The following TDRP variants were observed in gnomAD, a reference collection of about 807,000 sequenced individuals.
The protein encoded by TDRP is testis development-related protein.
Under a neutral mutation model 10.5 loss-of-function variants are expected in TDRP, and 12 were observed. The ratio of observed to expected loss-of-function variants is 1.15; its 90% CI spans 0.73 to 1.86. TDRP has a LOEUF of 1.86. Among genes scored for constraint, TDRP ranks in the 40% most tolerant of loss-of-function variants. The probability of loss-of-function intolerance (pLI) is 0.00; values close to 1 mark genes in which losing one functional copy is unlikely to be tolerated. For synonymous variants in TDRP, 139 were observed against 95.4 expected (o/e 1.46, Z -2.67); for missense variants, 353 against 229.2 (o/e 1.54, Z -3.49).
chr8:524,938 A>G (rs556683733), intron 1 of TDRP, among the ~76,000 whole-genome samples: 1 of 152,332 alleles, frequency 6.6e-6, no homozygotes, highest in East Asian at 1.9e-4. Flanking sequence ...TCCTAGAGAA[A>G]GACATCTATA....
In TDRP at chr8:490,035, A is replaced by T. The variant is rs1313836750; in HGVS notation, c.*2364T>A. 2 of 152,228 alleles carry T rather than the reference A, an allele frequency of 1.3e-5. No individual in the cohort carries two copies. The highest frequency in any genetic ancestry group is 2.4e-5 in the African/African-American group (1 of 41,452). 9.4% of individuals were successfully genotyped at this position (152,228 alleles called of 1,614,324 possible). A position where few individuals can be genotyped will look rare whatever the true frequency, so the allele number is the denominator to read the frequency against. Reference sequence around the variant, plus strand: ...GCACATCACTTTCCTATTAAAAAATAAAAAAAGTACAGTAGAAGGAGCACA... The same window carrying T: ...GCACATCACTTTCCTATTAAAAAATTAAAAAAGTACAGTAGAAGGAGCACA... On this transcript the variant is annotated 3_prime_UTR_variant, in exon 3 of 3. Coordinates refer to ENST00000324079, the MANE Select transcript of TDRP (RefSeq NM_001384899.1).
At position 492,175 on chromosome 8, in the gene TDRP, G is replaced by A. The variant is rs1800995413; in HGVS notation, c.*224C>T. 4.0e-6 allele frequency: 5 copies of A among 1,259,406 alleles called. No homozygotes were observed. Among genetic ancestry groups the A allele is most frequent in the Non-Finnish European group, 5.0e-6 (5 of 1,005,108 alleles). 78.0% of individuals were successfully genotyped at this position (1,259,406 alleles called of 1,614,324 possible). Reference sequence around the variant, plus strand: ...TTCTGCAAAACATGGACTGATAGGTGAATATTTCTGCAATAAGGCAATCAA... The same window carrying A: ...TTCTGCAAAACATGGACTGATAGGTAAATATTTCTGCAATAAGGCAATCAA... On this transcript the variant is annotated 3_prime_UTR_variant, in exon 3 of 3. Transcript: ENST00000324079.
At chr8:532,244 C>G (rs1272598547) in intron 1 of TDRP, among the ~76,000 whole-genome samples, 4 of 152,172 alleles carry the variant, frequency 2.6e-5, no homozygotes, top group Non-Finnish European at 5.9e-5. Flanking sequence ...CATGTGGTGG[C>G]CAGCACTCAG....
intron 1 of TDRP, among the ~76,000 whole-genome samples, chr8:533,331 C>G (rs1030916412): frequency 6.6e-6 from 1 of 152,178 alleles, no homozygotes; most frequent in African/African-American, 2.4e-5. Flanking sequence ...CTCCCACAGC[C>G]AGGCCACCCC....
intron 1 of TDRP, among the ~76,000 whole-genome samples, chr8:502,998 C>G (rs1394451771): frequency 6.6e-6 from 1 of 151,776 alleles, no homozygotes; most frequent in Non-Finnish European, 1.5e-5. Context: ...GAATACAGAG[C>G]CGCACATCAG....
At chr8:544,547 T>G (rs983939898) in intron 1 of TDRP, 103 bp downstream of exon 1, 1 of 789,354 alleles carries the variant, frequency 1.3e-6, no homozygotes, top group African/African-American at 1.8e-5. Flanking sequence ...CCGCCCAAAC[T>G]GTGCCCCCAA....
chr8:524,289 G>A (rs116678773), intron 1 of TDRP, among the ~76,000 whole-genome samples: 2 of 152,096 alleles, frequency 1.3e-5, no homozygotes, highest in South Asian at 2.1e-4. Flanking sequence ...CAACACCCAA[G>A]TCCCTTTGAA....
chr8:499,419 C>A (rs1801225592), intron 1 of TDRP, among the ~76,000 whole-genome samples: 1 of 152,182 alleles, frequency 6.6e-6, no homozygotes, highest in Admixed American at 6.5e-5. Context: ...CCACTAACCA[C>A]ACCACTGTCC....
In TDRP at chr8:544,765, CG is replaced by C; in HGVS notation, c.-9del. The C allele has an allele frequency of 8.1e-7, 1 of 1,233,366 alleles. No individual in the cohort carries two copies. 76.4% of individuals were successfully genotyped at this position (1,233,366 alleles called of 1,614,324 possible). On this transcript the variant is annotated 5_prime_UTR_variant, in exon 1 of 3. Transcript: ENST00000324079. ...CCGGCCCAGCTTCCACATGGTCAGGCGGGCTCCGGCGTCCCTCCGTCCGTGC... is the reference window on the plus strand; with the variant it reads ...CCGGCCCAGCTTCCACATGGTCAGGCGGCTCCGGCGTCCCTCCGTCCGTGC...
At chr8:509,261 A>G (rs1801547157) in intron 1 of TDRP, among the ~76,000 whole-genome samples, 1 of 152,150 alleles carries the variant, frequency 6.6e-6, no homozygotes, top group Admixed American at 6.5e-5. Flanking sequence ...GTTACACTAG[A>G]CAGTGCCCCA....
intron 1 of TDRP, among the ~76,000 whole-genome samples, chr8:526,386 T>C (rs1211101648): frequency 2.0e-5 from 3 of 152,206 alleles, no homozygotes; most frequent in Non-Finnish European, 4.4e-5. Flanking sequence ...GGAGTTATGT[T>C]CCTTCTATAC....
At position 504,576 on chromosome 8, in the gene TDRP, G is replaced by A. The variant is rs1484612454; in HGVS notation, c.109-9979C>T. On this transcript the variant is annotated intron_variant, in intron 1 of 2. Coordinates refer to ENST00000324079, the MANE Select transcript of TDRP (RefSeq NM_001384899.1). Reference sequence around the variant, plus strand: ...GCTCTGCCACAAACCGTGATTCGCAGACAGTGCAAACCGTAAAACCACTCA... The same window carrying A: ...GCTCTGCCACAAACCGTGATTCGCAAACAGTGCAAACCGTAAAACCACTCA... 3.3e-5 allele frequency among the ~76,000 whole-genome samples: 5 copies of A among 152,340 alleles called. No homozygotes were observed. The East Asian group carries it at 9.6e-4, about 29-fold the overall frequency.
chr8:512,058 T>A (rs775226962), intron 1 of TDRP, among the ~76,000 whole-genome samples: 40 of 151,604 alleles, frequency 2.6e-4, no homozygotes, highest in Non-Finnish European at 8.8e-5. Flanking sequence ...TCACAAAGAT[T>A]AAAGCACAAA....
chr8:496,452 G>GC (rs1563115959), intron 1 of TDRP, among the ~76,000 whole-genome samples: 1 of 152,210 alleles, frequency 6.6e-6, no homozygotes, highest in Non-Finnish European at 1.5e-5. Context: ...TCTGAGCAAT[G>GC]CCCCATGAGA....
chr8:512,387 C>T (rs961577184), intron 1 of TDRP, among the ~76,000 whole-genome samples: 27 of 151,928 alleles, frequency 1.8e-4, no homozygotes, highest in African/African-American at 5.1e-4. Context: ...GAGCCAAGAT[C>T]GTGCTGCTGC....
rs896541391 is a variant in TDRP at position 540,774 on chromosome 8, T to C, written c.108+3876A>G. ...TTTTGAATGCTTCACATTTCAAATT[T>C]ATTGGAACCTAATATTATCTACTTT... On this transcript the variant is annotated intron_variant, in intron 1 of 2. Coordinates refer to ENST00000324079, the MANE Select transcript of TDRP (RefSeq NM_001384899.1). Among the ~76,000 whole-genome samples, 4 of 150,100 alleles carry C rather than the reference T, an allele frequency of 2.7e-5. No homozygotes were observed. The South Asian group carries it at 6.3e-4, about 24-fold the overall frequency.
At chr8:528,764 GGAATA>G (rs943642136) in intron 1 of TDRP, among the ~76,000 whole-genome samples, 4 of 151,982 alleles carry the variant, frequency 2.6e-5, no homozygotes, top group African/African-American at 9.7e-5. Context: ...GTTCTCTAAA[GGAATA>G]GAATAGGATA....
At chr8:516,734 A>G (rs1801766092) in intron 1 of TDRP, among the ~76,000 whole-genome samples, 1 of 152,218 alleles carries the variant, frequency 6.6e-6, no homozygotes, top group Non-Finnish European at 1.5e-5. Context: ...GCAAGCCGGC[A>G]ATCACGGTTC....
chr8:495,553 GA>G (rs1450877274), intron 1 of TDRP, among the ~76,000 whole-genome samples: 1 of 152,208 alleles, frequency 6.6e-6, no homozygotes, highest in African/African-American at 2.4e-5. Flanking sequence ...AAAACCATCT[GA>G]AAATCCGGCG....
Sources: gnomAD v4.1 joint callset for allele counts (sites outside exome capture counted in the v4.1 genomes callset) on GRCh38, gnomAD v4.1.1 for gene constraint, MANE v1.5 for transcripts, NCBI Gene and HGNC (gene_info 2026-07-23, HGNC 2026-07-21) for gene names.